Variants in CNTNAP4 observed in about 807,000 individuals in gnomAD.
The protein encoded by CNTNAP4 is contactin associated protein family member 4.
CNTNAP4 carries 98 observed loss-of-function variants against 148.4 expected under a neutral mutation model. The ratio of observed to expected loss-of-function variants is 0.66; its 90% CI spans 0.56 to 0.78. The LOEUF is 0.78. CNTNAP4 is among the 30% of genes least tolerant of loss of function. The pLI is 0.00. For missense variants in CNTNAP4, 1,935 were observed against 1,565.6 expected (o/e 1.24, Z -3.98); for synonymous variants, 730 against 565.1 (o/e 1.29, Z -4.14).
chr16:76,383,412 A>C (rs2016192634), intron 3 of CNTNAP4, among the ~76,000 whole-genome samples: 2 of 150,760 alleles, frequency 1.3e-5, no homozygotes, highest in African/African-American at 4.9e-5. Flanking sequence ...AAAAAAAAAA[A>C]CGTATCATGT....
At chr16:76,488,909 A>G (rs991508930) in intron 12 of CNTNAP4, among the ~76,000 whole-genome samples, 2 of 152,226 alleles carry the variant, frequency 1.3e-5, no homozygotes, top group African/African-American at 4.8e-5. Flanking sequence ...TTCAGGCACC[A>G]ATAGTGATAA....
chr16:76,495,123 C>T, intron 14 of CNTNAP4, 57 bp downstream of exon 14: 5 of 1,577,796 alleles, frequency 3.2e-6, no homozygotes, highest in Non-Finnish European at 4.3e-6. Context: ...AAATTAATCA[C>T]TCAAAGTATG....
chr16:76,371,879 C>A (rs999292432), intron 3 of CNTNAP4, among the ~76,000 whole-genome samples: 1 of 152,206 alleles, frequency 6.6e-6, no homozygotes, highest in Non-Finnish European at 1.5e-5. Context: ...TCATCCCTTT[C>A]AATCAGGGCT....
At chr16:76,448,728 C>T (rs2080343733) in intron 5 of CNTNAP4, 39 bp from the exon 6 acceptor site, 1 of 1,381,058 alleles carries the variant, frequency 7.2e-7, no homozygotes, top group African/African-American at 1.5e-5. Context: ...TTTCTTTAGA[C>T]TGGCAATAAT....
intron 3 of CNTNAP4, among the ~76,000 whole-genome samples, chr16:76,420,366 T>A (rs1045531660): frequency 5.2e-5 from 7 of 134,982 alleles, no homozygotes; most frequent in African/African-American, 1.8e-4. Flanking sequence ...AAAAAATGAA[T>A]AGACAATTTT....
intron 17 of CNTNAP4, among the ~76,000 whole-genome samples, chr16:76,530,402 G>A (rs1205830944): frequency 6.6e-6 from 1 of 152,098 alleles, no homozygotes; most frequent in Non-Finnish European, 1.5e-5. Context: ...CGCCCCGAGT[G>A]TACTTTTCTA....
At chr16:76,447,962 A>T in intron 4 of CNTNAP4, 50 bp from the exon 5 acceptor site, 1 of 1,354,586 alleles carries the variant, frequency 7.4e-7, no homozygotes, top group Non-Finnish European at 1.0e-6. Flanking sequence ...AAATGATTTA[A>T]TGGAAAAGAT....
chr16:76,512,040 A>G (rs1013377737), intron 15 of CNTNAP4, among the ~76,000 whole-genome samples: 4 of 152,130 alleles, frequency 2.6e-5, no homozygotes, highest in African/African-American at 9.6e-5. Flanking sequence ...CTACCTTTGG[A>G]AGAGTACTCT....
intron 3 of CNTNAP4, among the ~76,000 whole-genome samples, chr16:76,384,608 T>C (rs1421783433): frequency 6.6e-6 from 1 of 152,064 alleles, no homozygotes; most frequent in African/African-American, 2.4e-5. Context: ...AGTTGATTAA[T>C]CTCCTTGGTA....
chr16:76,341,313 T>G (rs2144350581), intron 2 of CNTNAP4, among the ~76,000 whole-genome samples: 1 of 152,324 alleles, frequency 6.6e-6, no homozygotes, highest in South Asian at 2.1e-4. Context: ...GTCTAGATGG[T>G]GTTCCATTGA....
At chr16:76,500,867 G>T (rs980638080) in intron 15 of CNTNAP4, among the ~76,000 whole-genome samples, 10 of 151,854 alleles carry the variant, frequency 6.6e-5, no homozygotes, top group Admixed American at 2.0e-4. Context: ...TTAGATTAGC[G>T]ACTAGTGCAT....
At chr16:76,461,307 A>C (rs568558806) in intron 8 of CNTNAP4, among the ~76,000 whole-genome samples, 1 of 152,226 alleles carries the variant, frequency 6.6e-6, no homozygotes, top group African/African-American at 2.4e-5. Flanking sequence ...AGGGCCGCTT[A>C]AGGTCTTTAC....
intron 20 of CNTNAP4, among the ~76,000 whole-genome samples, chr16:76,540,290 T>A (rs1402111053): frequency 1.3e-5 from 2 of 152,102 alleles, no homozygotes; most frequent in African/African-American, 4.8e-5. Context: ...AATTTTTTGG[T>A]TCTCTGCCTA....
At chr16:76,281,844 A>C (rs909947347) in intron 1 of CNTNAP4, among the ~76,000 whole-genome samples, 1 of 151,966 alleles carries the variant, frequency 6.6e-6, no homozygotes, top group Non-Finnish European at 1.5e-5. Context: ...GTAAAAAATA[A>C]TTATATGAAA....
chr16:76,474,953 C>T (rs1457827505), intron 10 of CNTNAP4, among the ~76,000 whole-genome samples: 1 of 152,142 alleles, frequency 6.6e-6, no homozygotes, highest in Non-Finnish European at 1.5e-5. Context: ...AGTATTTGGA[C>T]ATGTGTACCT....
At chr16:76,383,115 T>G (rs2016158000) in intron 3 of CNTNAP4, among the ~76,000 whole-genome samples, 1 of 151,720 alleles carries the variant, frequency 6.6e-6, no homozygotes, top group Admixed American at 6.6e-5. Context: ...TATCCCACTT[T>G]TTTTTTTTTA....
At chr16:76,422,583 G>T (rs941034710) in intron 3 of CNTNAP4, among the ~76,000 whole-genome samples, 2 of 152,014 alleles carry the variant, frequency 1.3e-5, no homozygotes, top group East Asian at 1.9e-4. Context: ...TTGCTTTCAT[G>T]TTCTGTTGAA....
intron 1 of CNTNAP4, among the ~76,000 whole-genome samples, chr16:76,303,179 G>C (rs1341480501): frequency 2.0e-5 from 3 of 152,106 alleles, no homozygotes; most frequent in Non-Finnish European, 4.4e-5. Context: ...GCTCAGAGAA[G>C]CTTATTGTTT....
chr16:76,540,606 C>A (rs955086172), intron 20 of CNTNAP4, 97 bp from the exon 21 acceptor site: 3 of 826,064 alleles, frequency 3.6e-6, no homozygotes, highest in Non-Finnish European at 5.6e-6. Context: ...CTAACAACTG[C>A]TTAATGTATC....
Sources: allele counts gnomAD v4.1 joint callset (sites outside exome capture counted in the v4.1 genomes callset), GRCh38; gene constraint gnomAD v4.1.1; transcripts MANE v1.5; gene names NCBI Gene and HGNC (gene_info 2026-07-23, HGNC 2026-07-21).